EIF4E1B: variants seen among roughly 807,000 people sequenced by gnomAD.
EIF4E1B encodes eukaryotic translation initiation factor 4E type 1B.
A neutral mutation model predicts 31.3 loss-of-function variants in EIF4E1B; 22 were observed. The observed-to-expected ratio is 0.70, with a 90% confidence interval of 0.50 to 1.00. The LOEUF (loss-of-function observed/expected upper bound fraction) is 1.00, where lower values mean the gene tolerates loss of function less well. Among genes scored for constraint, EIF4E1B ranks in the 50% least tolerant of loss-of-function variants. The probability of loss-of-function intolerance (pLI) is 0.00; values close to 1 mark genes in which losing one functional copy is unlikely to be tolerated. For synonymous variants in EIF4E1B, 126 were observed against 120.2 expected, an observed-to-expected ratio of 1.05 and a Z score of -0.31; for missense variants, 290 against 311.6, an observed-to-expected ratio of 0.93 and a Z score of 0.52.
intron 1 of EIF4E1B, among the ~76,000 whole-genome samples, chr5:176,634,047 C>G (rs1352302): frequency 0.99 from 150,464 of 152,186 alleles, 74,409 homozygotes; most frequent in Middle Eastern, 1. Flanking sequence ...TTATGGGAGA[C>G]GGAGAAGGAC....
chr5:176,642,855 C>CCCCA (rs1554151026), intron 3 of EIF4E1B, 53 bp downstream of exon 3: 53 of 1,276,900 alleles, frequency 4.2e-5, no homozygotes, highest in African/African-American at 7.1e-5. Flanking sequence ...GCCCTCTCCC[C>CCCCA]CCCCCCCCCC....
In EIF4E1B at chr5:176,643,358, G is replaced by A. The variant is rs1216500337; in HGVS notation, c.200+92G>A. Reference sequence around the variant, plus strand: ...GGCCTTGGGCAACCCCGCCTCTCTTGGCCCTAGCTCTTCATCCGTGGGAGG... The same window carrying A: ...GGCCTTGGGCAACCCCGCCTCTCTTAGCCCTAGCTCTTCATCCGTGGGAGG... On this transcript the variant is annotated intron_variant, in intron 4 of 8. Transcript: ENST00000318682. 4 of 1,449,208 alleles carry A rather than the reference G, an allele frequency of 2.8e-6. No homozygotes were observed. In the African/African-American group the frequency reaches 5.6e-5, roughly 20 times the overall value. 89.8% of individuals were successfully genotyped at this position (1,449,208 alleles called of 1,614,324 possible). A position where few individuals can be genotyped will look rare whatever the true frequency, so the allele number is the denominator to read the frequency against.
Position 176,642,756 on chromosome 5 carries a change from C to T in EIF4E1B, c.-32C>T. The stretch of plus-strand genomic sequence containing the variant: ...GGCTTGGTCACAGCTGCTTCCCCAG[C>T]CCCAGGCCTGCACGAAGAAGGCACT... On this transcript the variant is annotated 5_prime_UTR_variant, in exon 3 of 9. Transcript: ENST00000318682. The T allele has an allele frequency of 6.4e-7, 1 of 1,558,808 alleles. No homozygotes were observed. Among genetic ancestry groups the T allele is most frequent in the Non-Finnish European group, 8.7e-7 (1 of 1,151,410 alleles).
intron 1 of EIF4E1B, among the ~76,000 whole-genome samples, chr5:176,637,185 G>A (rs1760507838): frequency 6.6e-6 from 1 of 152,144 alleles, no homozygotes. Context: ...ACCCCTGTAA[G>A]CCCAGCACTT....
At chr5:176,644,540 T>A in intron 6 of EIF4E1B, 101 bp downstream of exon 6, 3 of 994,308 alleles carry the variant, frequency 3.0e-6, no homozygotes, top group Non-Finnish European at 4.4e-6. Context: ...GGTGGGGAGC[T>A]ACGGGCCACC....
intron 1 of EIF4E1B, among the ~76,000 whole-genome samples, chr5:176,634,548 ATG>A (rs1331357395): frequency 1.3e-5 from 2 of 152,058 alleles, no homozygotes; most frequent in East Asian, 1.9e-4. Flanking sequence ...CTAGGAAGTT[ATG>A]TGTTTTGAGT....
chr5:176,640,181 C>G (rs965700245), intron 1 of EIF4E1B, among the ~76,000 whole-genome samples: 1 of 152,194 alleles, frequency 6.6e-6, no homozygotes. Context: ...GCCACCACGC[C>G]GGGAAGAAGC....
At chr5:176,642,971 G>C in intron 3 of EIF4E1B, 111 bp from the exon 4 acceptor site, 1 of 1,504,044 alleles carries the variant, frequency 6.6e-7, no homozygotes, top group Middle Eastern at 2.3e-4. Context: ...GCTACTGAAG[G>C]CCTTGTGAGT....
At chr5:176,642,857 C>CCCCCT in intron 3 of EIF4E1B, 55 bp downstream of exon 3, 1 of 1,276,830 alleles carries the variant, frequency 7.8e-7, no homozygotes. Flanking sequence ...CCTCTCCCCC[C>CCCCCT]CCCCCCCCGC....
intron 1 of EIF4E1B, among the ~76,000 whole-genome samples, chr5:176,636,211 T>C (rs1760490498): frequency 6.6e-6 from 1 of 152,204 alleles, no homozygotes. Flanking sequence ...CACCACTCTC[T>C]AGCAGGATGG....
rs1561910606 is a variant in EIF4E1B, at chr5:176,643,171, T to C, written c.105T>C (p.Ser35=). 2 of 1,613,540 alleles carry C rather than the reference T, an allele frequency of 1.2e-6. No homozygotes were observed. The highest frequency in any genetic ancestry group is 1.1e-5 in the South Asian group (1 of 91,074). The change falls in exon 4 of 9, where the codon TCT becomes TCC. Residue 35 remains serine, a synonymous_variant. Transcript: ENST00000318682. ...AAERTPTGEK[S]PNSPRTLLSL... The stretch of plus-strand genomic sequence containing the variant: ...AGAGGACGCCCACAGGAGAAAAGTC[T>C]CCAAACTCTCCCAGGACTTTGCTGT...
Position 176,645,296 on chromosome 5 carries a change from A to G in EIF4E1B, c.474+53A>G. On this transcript the variant is annotated intron_variant, in intron 7 of 8. Coordinates refer to ENST00000318682, the MANE Select transcript of EIF4E1B (RefSeq NM_001099408.2). The surrounding 1 kb of genome is among the most constrained non-coding windows in gnomAD (Gnocchi z 5.4). ...GGAAGAGACGGGCTGTGTGGGTCTC[A>G]TGGTGGCAGTGGTCTCAAGGATGGC... is the stretch of plus-strand genomic sequence containing the variant. 2 of 1,578,352 alleles carry G rather than the reference A, an allele frequency of 1.3e-6. No individual in the cohort carries two copies. The highest frequency in any genetic ancestry group is 2.3e-5 in the East Asian group (1 of 44,014).
intron 1 of EIF4E1B, among the ~76,000 whole-genome samples, chr5:176,636,722 T>C (rs1760498944): frequency 6.6e-6 from 1 of 152,258 alleles, no homozygotes; most frequent in Non-Finnish European, 1.5e-5. Flanking sequence ...ATGTGCCAAG[T>C]ACTCCATCCA....
In EIF4E1B at chr5:176,642,698, G is replaced by A. The variant is rs916633320; in HGVS notation, c.-78-12G>A. ...CTTCGAGCAGGCTCCAAATATTGAC[G>A]CTTACCTTCAGGTCTTGGCCCCCAT... is the stretch of plus-strand genomic sequence containing the variant. On this transcript the variant is annotated splice_polypyrimidine_tract_variant and intron_variant, in intron 2 of 8. Transcript: ENST00000318682. 3.8e-5 allele frequency: 59 copies of A among 1,535,116 alleles called. No homozygotes were observed. Among genetic ancestry groups the A allele is most frequent in the Non-Finnish European group, 4.5e-5 (51 of 1,137,472 alleles).
At position 176,646,115 on chromosome 5, in the gene EIF4E1B, T is replaced by C; in HGVS notation, c.*135T>C. 1.3e-6 allele frequency: 1 copy of C among 749,132 alleles called. No individual in the cohort carries two copies. The highest frequency in any genetic ancestry group is 1.8e-5 in the South Asian group (1 of 55,278). The allele number at this position is 749,132 out of a possible 1,614,324, so 46.4% of individuals were successfully genotyped here. ...CAAGTGAACAGGAATGCAAACACTC[T>C]TTAACATGAGTTGGGGCCTGAGCCT... On this transcript the variant is annotated 3_prime_UTR_variant, in exon 9 of 9. Coordinates refer to ENST00000318682, the MANE Select transcript of EIF4E1B (RefSeq NM_001099408.2).
At chr5:176,641,230 G>T (rs934839263) in intron 1 of EIF4E1B, among the ~76,000 whole-genome samples, 1 of 152,194 alleles carries the variant, frequency 6.6e-6, no homozygotes, top group Non-Finnish European at 1.5e-5. Flanking sequence ...TCGGGAGGCT[G>T]AGGTGGGGGA....
In EIF4E1B at chr5:176,637,844, G is replaced by A. The variant is rs149266596; in HGVS notation, c.-201-4199G>A. 1.3e-3 allele frequency among the ~76,000 whole-genome samples: 203 copies of A among 152,236 alleles called. 1 individual carries two copies. In the Middle Eastern group the frequency reaches 0.017, roughly 13 times the overall value. On this transcript the variant is annotated intron_variant, in intron 1 of 8. Transcript: ENST00000318682. Reference sequence around the variant, plus strand: ...GCTGCTGTGTAGGGAGTAGGGAGGGGACTATTCTTGGGCAAGGGTGAAAGC... The same window carrying A: ...GCTGCTGTGTAGGGAGTAGGGAGGGAACTATTCTTGGGCAAGGGTGAAAGC...
rs1337459117 is a variant in EIF4E1B, at chr5:176,638,107, A to T, written c.-201-3936A>T. Among the ~76,000 whole-genome samples the T allele has an allele frequency of 6.6e-6, 1 of 152,158 alleles. No individual in the cohort carries two copies. Among genetic ancestry groups the T allele is most frequent in the African/African-American group, 2.4e-5 (1 of 41,412 alleles). Reference sequence around the variant, plus strand: ...TGGAAGAACAAGTCTGGAGCGGGGCAGAGGAGGTGTCAGGAATTCATCTTT... The same window carrying T: ...TGGAAGAACAAGTCTGGAGCGGGGCTGAGGAGGTGTCAGGAATTCATCTTT... On this transcript the variant is annotated intron_variant, in intron 1 of 8. Coordinates refer to ENST00000318682, the MANE Select transcript of EIF4E1B (RefSeq NM_001099408.2). This position sits in a 1 kb window ranked among gnomAD's most constrained non-coding sequence, Gnocchi z 4.3.
intron 1 of EIF4E1B, among the ~76,000 whole-genome samples, chr5:176,633,782 T>C (rs367641764): frequency 6.6e-6 from 1 of 152,172 alleles, no homozygotes; most frequent in Non-Finnish European, 1.5e-5. Context: ...ATGAAGCGTG[T>C]CTGAACTTCA....
Sources: allele counts gnomAD v4.1 joint callset (sites outside exome capture counted in the v4.1 genomes callset), GRCh38; gene constraint gnomAD v4.1.1; non-coding constraint Gnocchi (gnomAD v3.1); transcripts MANE v1.5; gene names NCBI Gene and HGNC (gene_info 2026-07-23, HGNC 2026-07-21).